The following THEMIS variants were observed in gnomAD, a reference collection of about 807,000 sequenced individuals.
THEMIS encodes protein THEMIS.
THEMIS carries 37 observed loss-of-function variants against 52.6 expected under a neutral mutation model. The ratio of observed to expected loss-of-function variants is 0.70; its 90% CI spans 0.54 to 0.93. The LOEUF is 0.93. Among genes scored for constraint, THEMIS ranks in the 40% least tolerant of loss-of-function variants. The pLI is 0.00. For synonymous variants in THEMIS, 292 were observed against 272.7 expected (o/e 1.07, Z -0.70); for missense variants, 808 against 763.1 (o/e 1.06, Z -0.69).
At chr6:127,901,995 T>C (rs951966599), upstream of THEMIS, among the ~76,000 whole-genome samples, 26 of 151,946 alleles carry the variant, frequency 1.7e-4, no homozygotes, top group Non-Finnish European at 3.4e-4. Context: ...CAATTAAAGG[T>C]GGTAGTTCCT....
At chr6:127,870,581 C>T (rs1468845552) in intron 1 of THEMIS, among the ~76,000 whole-genome samples, 1 of 151,838 alleles carries the variant, frequency 6.6e-6, no homozygotes, top group African/African-American at 2.4e-5. Flanking sequence ...AAACATAACC[C>T]AAAGACATGC....
chr6:127,732,408 T>C (rs961964977), intron 4 of THEMIS, among the ~76,000 whole-genome samples: 1 of 152,156 alleles, frequency 6.6e-6, no homozygotes, highest in Non-Finnish European at 1.5e-5. Flanking sequence ...TACAATAGTA[T>C]ATAATACTTT....
intron 4 of THEMIS, among the ~76,000 whole-genome samples, chr6:127,743,751 C>A (rs746909339): frequency 6.6e-6 from 1 of 151,958 alleles, no homozygotes; most frequent in Non-Finnish European, 1.5e-5. Context: ...TCCTGAGGTA[C>A]ACAATGCATC....
rs141554002 is a variant in THEMIS, at chr6:127,724,250, A to G, written c.1759-4427T>C. On this transcript the variant is annotated intron_variant, in intron 4 of 5. Transcript: ENST00000368248. ...CATTACAGAAATCATGCAGAACTGT[A>G]TTCATACAGTATCCCATATAGCTCT... Among the ~76,000 whole-genome samples, 39 of 152,278 alleles carry G rather than the reference A, an allele frequency of 2.6e-4. No homozygotes were observed. The East Asian group carries it at 7.2e-3, about 28-fold the overall frequency.
At chr6:127,847,966 G>A (rs1779278481) in intron 2 of THEMIS, among the ~76,000 whole-genome samples, 1 of 150,630 alleles carries the variant, frequency 6.6e-6, no homozygotes, top group Admixed American at 6.7e-5. Flanking sequence ...TGTGCACAAT[G>A]TGCAGGTTGG....
chr6:127,870,334 T>C (rs1780119539), intron 1 of THEMIS, among the ~76,000 whole-genome samples: 1 of 152,090 alleles, frequency 6.6e-6, no homozygotes, highest in South Asian at 2.1e-4. Flanking sequence ...ATAATAAGAA[T>C]CCTCACTTCC....
intron 4 of THEMIS, among the ~76,000 whole-genome samples, chr6:127,720,763 T>C (rs991515171): frequency 6.6e-6 from 1 of 151,950 alleles, no homozygotes; most frequent in Non-Finnish European, 1.5e-5. Flanking sequence ...GAAAGGCCAA[T>C]AAGGAAATTA....
chr6:127,722,332 C>T (rs1352579998), intron 4 of THEMIS, among the ~76,000 whole-genome samples: 1 of 151,780 alleles, frequency 6.6e-6, no homozygotes, highest in Non-Finnish European at 1.5e-5. Flanking sequence ...TTTACTTAGC[C>T]CCTCCTTCTA....
Position 127,900,879 on chromosome 6 carries a change from G to A in THEMIS, c.54C>T (p.Pro18=). 1 of 1,613,170 alleles carries A rather than the reference G, an allele frequency of 6.2e-7. No homozygotes were observed. Among genetic ancestry groups the A allele is most frequent in the Non-Finnish European group, 8.5e-7 (1 of 1,179,404 alleles). Reference sequence around the variant, plus strand: ...TGCCTGCCTGGATTTCTAGAACCCTGGGTAGGGTCCTGAGGTCAAGGGAGT... The same window carrying A: ...TGCCTGCCTGGATTTCTAGAACCCTAGGTAGGGTCCTGAGGTCAAGGGAGT... ...FVHSLDLRTL[P]RVLEIQAGIY... is the part of the protein sequence containing the mutation. Residue 18 remains proline, a synonymous_variant, in exon 1 of 6, where the codon CCC becomes CCT. Coordinates refer to ENST00000368248, the MANE Select transcript of THEMIS (RefSeq NM_001010923.3).
chr6:127,786,333 C>T (rs1024686009), intron 4 of THEMIS, among the ~76,000 whole-genome samples: 4 of 152,108 alleles, frequency 2.6e-5, no homozygotes, highest in Non-Finnish European at 4.4e-5. Context: ...GAATGTAAAA[C>T]ATTATCAACT....
the THEMIS span, among the ~76,000 whole-genome samples, chr6:127,700,094 A>G: frequency 6.6e-6 from 1 of 151,852 alleles, no homozygotes; most frequent in African/African-American, 2.4e-5. Context: ...ATACATATTT[A>G]TGATTCAAGT....
At chr6:127,730,318 G>GAAAAGAAAGGAAAAGAAAAGAA (rs1456074763) in intron 4 of THEMIS, among the ~76,000 whole-genome samples, 1 of 116,958 alleles carries the variant, frequency 8.6e-6, no homozygotes, top group Non-Finnish European at 1.7e-5. Context: ...AAAGAAAAGA[G>GAAAAGAAAGGAAAAGAAAAGAA]AAAAAAAGAA....
intron 3 of THEMIS, 105 bp from the exon 4 acceptor site, chr6:127,814,036 C>T (rs759315588): frequency 7.4e-6 from 7 of 951,116 alleles, no homozygotes; most frequent in Non-Finnish European, 1.0e-5. Flanking sequence ...AAATAAAGAA[C>T]TCAGATGATC....
intron 4 of THEMIS, among the ~76,000 whole-genome samples, chr6:127,745,183 CT>C (rs1775345310): frequency 6.6e-6 from 1 of 151,822 alleles, no homozygotes; most frequent in African/African-American, 2.4e-5. Context: ...TTTCCCAACC[CT>C]TATGGAAAGC....
intron 2 of THEMIS, among the ~76,000 whole-genome samples, chr6:127,833,954 A>C (rs758029713): frequency 2.0e-5 from 3 of 152,170 alleles, no homozygotes; most frequent in Non-Finnish European, 2.9e-5. Context: ...CAAAGCAAAA[A>C]GTTCAAAATC....
intron 2 of THEMIS, among the ~76,000 whole-genome samples, chr6:127,832,608 T>C (rs1323584680): frequency 6.6e-6 from 1 of 152,066 alleles, no homozygotes; most frequent in Non-Finnish European, 1.5e-5. Context: ...TCTCAAAGTG[T>C]ACAATCGTTT....
At chr6:127,848,296 T>C (rs1345766789) in intron 2 of THEMIS, among the ~76,000 whole-genome samples, 1 of 152,026 alleles carries the variant, frequency 6.6e-6, no homozygotes, top group Non-Finnish European at 1.5e-5. Context: ...GGTGTATATG[T>C]GCCACATTTT....
At chr6:127,719,964 T>G (rs1037107724) in intron 4 of THEMIS, 141 bp from the exon 5 acceptor site, 6 of 1,076,990 alleles carry the variant, frequency 5.6e-6, no homozygotes, top group Non-Finnish European at 7.9e-6. Flanking sequence ...ACAAATTATA[T>G]GTTCATCAAT....
chr6:127,829,183 T>C (rs1778609366), intron 3 of THEMIS, among the ~76,000 whole-genome samples: 1 of 152,252 alleles, frequency 6.6e-6, no homozygotes, highest in South Asian at 2.1e-4. Context: ...TCTAGTCATA[T>C]TTAACTGGCA....
Sources: allele counts gnomAD v4.1 joint callset (sites outside exome capture counted in the v4.1 genomes callset), GRCh38; gene constraint gnomAD v4.1.1; transcripts MANE v1.5; gene names NCBI Gene and HGNC (gene_info 2026-07-23, HGNC 2026-07-21).